MDM2: variants seen among roughly 807,000 people sequenced by gnomAD.
MDM2 encodes the protein E3 ubiquitin-protein ligase Mdm2.
MDM2 carries 11 observed loss-of-function variants against 64.3 expected under a neutral mutation model. That is an observed-to-expected ratio of 0.17 (90% CI 0.11 to 0.28). The LOEUF (loss-of-function observed/expected upper bound fraction) is 0.28. Ranked by LOEUF, MDM2 falls within the 10% of genes least tolerant of loss-of-function variation. The pLI is 1.00. For missense variants in MDM2, 388 were observed against 577.1 expected (o/e 0.67, Z 3.36); for synonymous variants, 194 against 192.9 (o/e 1.01, Z -0.05).
chr12:68,843,715 CTG>C lies in MDM2; in HGVS notation c.*3868_*3869del, dbSNP rs1034744929. On this transcript the variant is annotated 3_prime_UTR_variant, in exon 11 of 11. Coordinates refer to ENST00000258149, the MANE Select transcript of MDM2 (RefSeq NM_002392.6). The stretch of plus-strand genomic sequence containing the variant: ...GCTTCAAAACTCTCTCTCTCTCTCT[CTG>C]TCTGTCTCAATAAATGGCCAAAGGG... The C allele has an allele frequency of 2.1e-4, 45 of 215,652 alleles. No homozygotes were observed. Among genetic ancestry groups the C allele is most frequent in the Middle Eastern group, 2.8e-3 (2 of 706 alleles). The allele number at this position is 215,652 out of a possible 1,614,324, so 13.4% of individuals were successfully genotyped here.
intron 7 of MDM2, among the ~76,000 whole-genome samples, chr12:68,825,999 A>G (rs950325539): frequency 6.6e-5 from 10 of 152,238 alleles, no homozygotes; most frequent in African/African-American, 2.2e-4. Flanking sequence ...TATTTGAAAG[A>G]TAGTCACTTT....
chr12:68,823,361 G>T (rs1882030447), intron 5 of MDM2, among the ~76,000 whole-genome samples: 1 of 152,048 alleles, frequency 6.6e-6, no homozygotes, highest in African/African-American at 2.4e-5. Flanking sequence ...AAACCTATGT[G>T]CCTGAATAAC....
chr12:68,809,249 CTGT>C lies in MDM2; in HGVS notation c.57_59del (p.Val20del), dbSNP rs1367482093. 10 of 1,613,944 alleles carry C rather than the reference CTGT, an allele frequency of 6.2e-6. No individual in the cohort carries two copies. The highest frequency in any genetic ancestry group is 5.1e-6 in the Non-Finnish European group (6 of 1,180,022). On this transcript the variant is annotated inframe_deletion, in exon 2 of 11. Coordinates refer to ENST00000258149, the MANE Select transcript of MDM2 (RefSeq NM_002392.6). Reference sequence around the variant, plus strand: ...AACATGTCTGTACCTACTGATGGTGCTGTAACCACCTCACAGATTCCAGCTTCG... The same window carrying C: ...AACATGTCTGTACCTACTGATGGTGCAACCACCTCACAGATTCCAGCTTCG...
intron 10 of MDM2, 80 bp from the exon 11 acceptor site, chr12:68,839,194 C>A: frequency 7.6e-7 from 1 of 1,321,466 alleles, no homozygotes; most frequent in Non-Finnish European, 1.0e-6. Context: ...TTACCTTAGA[C>A]ATAGCAAAGT....
chr12:68,814,843 G>C (rs1290698977), intron 3 of MDM2, among the ~76,000 whole-genome samples: 1 of 152,176 alleles, frequency 6.6e-6, no homozygotes, highest in African/African-American at 2.4e-5. Flanking sequence ...CCTGTTCTCT[G>C]TCTCTCCCAC....
At chr12:68,811,745 G>A (rs1265818447) in intron 2 of MDM2, among the ~76,000 whole-genome samples, 1 of 151,740 alleles carries the variant, frequency 6.6e-6, no homozygotes, top group African/African-American at 2.4e-5. Flanking sequence ...GGGATTACAG[G>A]CACCCACCTC....
At chr12:68,838,845 G>T (rs945144735) in intron 10 of MDM2, among the ~76,000 whole-genome samples, 2 of 152,142 alleles carry the variant, frequency 1.3e-5, no homozygotes, top group Admixed American at 6.5e-5. Flanking sequence ...AATTTTTCAG[G>T]ATGGTAAGGG....
intron 2 of MDM2, among the ~76,000 whole-genome samples, chr12:68,812,157 A>G (rs1398025148): frequency 2.0e-5 from 3 of 152,104 alleles, no homozygotes; most frequent in Non-Finnish European, 2.9e-5. Context: ...GAGAGAGTCC[A>G]TTCTTTAGCC....
At chr12:68,824,845 A>G (rs1882169294) in intron 7 of MDM2, 194 bp downstream of exon 7, 1 of 552,914 alleles carries the variant, frequency 1.8e-6, no homozygotes, top group Non-Finnish European at 3.2e-6. Context: ...GGCTGACTAC[A>G]GCAGGCACAG....
In MDM2 at chr12:68,808,230, C is replaced by G; in HGVS notation, c.-248C>G. ...TTGGCTGCTTCTGGGGCCTGTGTGG[C>G]CCTGTGTGTCGGAAAGATGGAGCAA... On this transcript the variant is annotated 5_prime_UTR_variant, in exon 1 of 11. Coordinates refer to ENST00000258149, the MANE Select transcript of MDM2 (RefSeq NM_002392.6). The G allele has an allele frequency of 5.2e-6, 3 of 580,520 alleles. No homozygotes were observed. The highest frequency in any genetic ancestry group is 9.2e-6 in the Non-Finnish European group (3 of 327,394). 36.0% of individuals were successfully genotyped at this position (580,520 alleles called of 1,614,324 possible).
rs557046053 is a variant in MDM2 at position 68,809,558 on chromosome 12, G to T, written c.99+266G>T. ...TTGAAGTTACGTTTGTTACGTGACT[G>T]ATTTTTTTTTCCTTTTTGACCTCCC... On this transcript the variant is annotated intron_variant, in intron 2 of 10. Transcript: ENST00000258149. Among the ~76,000 whole-genome samples, 3 of 152,120 alleles carry T rather than the reference G, an allele frequency of 2.0e-5. No individual in the cohort carries two copies. The South Asian group carries it at 6.2e-4, about 31-fold the overall frequency.
rs1361311287 is a variant in MDM2, at chr12:68,809,278, G to C, written c.85G>C (p.Glu29Gln). The C allele has an allele frequency of 1.9e-6, 3 of 1,613,868 alleles. No homozygotes were observed. Among genetic ancestry groups the C allele is most frequent in the Non-Finnish European group, 2.5e-6 (3 of 1,179,962 alleles). Residue 29 changes from glutamate (E) to glutamine (Q), a missense_variant, in exon 2 of 11, where the codon GAA (glutamate) becomes CAA (glutamine). Transcript: ENST00000258149. Reference sequence around the variant, plus strand: ...AACCACCTCACAGATTCCAGCTTCGGAACAAGAGACCCTGGTTAGTATTTT... The same window carrying C: ...AACCACCTCACAGATTCCAGCTTCGCAACAAGAGACCCTGGTTAGTATTTT... ...AVTTSQIPASEQETLVRPKPL... is the reference protein window; with the variant it reads ...AVTTSQIPASQQETLVRPKPL...
At chr12:68,833,698 C>T (rs1883088677) in intron 8 of MDM2, among the ~76,000 whole-genome samples, 2 of 151,956 alleles carry the variant, frequency 1.3e-5, no homozygotes, top group Admixed American at 1.3e-4. Context: ...CTGTAGACAA[C>T]AAGTCAACAA....
chr12:68,831,532 G>C (rs960889719), intron 8 of MDM2, among the ~76,000 whole-genome samples: 1 of 152,166 alleles, frequency 6.6e-6, no homozygotes, highest in Non-Finnish European at 1.5e-5. Context: ...AGAGGACAAC[G>C]GTGGGAATCG....
rs1884090618 is a variant in MDM2 at position 68,844,479 on chromosome 12, G to A, written c.*4630G>A. ...AGCCTGGCCTAAGTGATCGTGAATG[G>A]TCTATAAGGGAGGTAGCTGGGACAG... On this transcript the variant is annotated 3_prime_UTR_variant, in exon 11 of 11. Coordinates refer to ENST00000258149, the MANE Select transcript of MDM2 (RefSeq NM_002392.6). 4.4e-6 allele frequency: 1 copy of A among 228,536 alleles called. No homozygotes were observed. The highest frequency in any genetic ancestry group is 6.2e-5 in the East Asian group (1 of 16,034). The allele number at this position is 228,536 out of a possible 1,614,324, so 14.2% of individuals were successfully genotyped here.
rs2136186003 is a variant in MDM2, at chr12:68,842,347, A to G, written c.*2498A>G. 6.0e-6 allele frequency: 3 copies of G among 495,996 alleles called. No individual in the cohort carries two copies. The highest frequency in any genetic ancestry group is 4.7e-5 in the East Asian group (1 of 21,316). The allele number at this position is 495,996 out of a possible 1,614,324, so 30.7% of individuals were successfully genotyped here. ...GAACGCAGCTGGAAGAAAAGATGAT[A>G]TAACAGTTAACAGGATGCAGACATG... On this transcript the variant is annotated 3_prime_UTR_variant, in exon 11 of 11. Transcript: ENST00000258149.
intron 1 of MDM2, 193 bp from the exon 2 acceptor site, chr12:68,809,015 G>A: frequency 1.4e-6 from 2 of 1,472,952 alleles, no homozygotes; most frequent in South Asian, 1.5e-5. Context: ...CATTTTCCCA[G>A]CTGTGTTCAG....
chr12:68,833,656 T>C (rs1188022573), intron 8 of MDM2, among the ~76,000 whole-genome samples: 2 of 151,986 alleles, frequency 1.3e-5, no homozygotes. Context: ...CTGTCACAGC[T>C]ACTCAGCCCC....
rs746641927 is a variant in MDM2, at chr12:68,842,654, CAT to C, written c.*2806_*2807del. ...CTATTTGGTTAATGGTACTAGACAA[CAT>C]GTAATTAATGACATTCAAAAATTTA... On this transcript the variant is annotated 3_prime_UTR_variant, in exon 11 of 11. Transcript: ENST00000258149. The C allele has an allele frequency of 1.9e-4, 41 of 217,504 alleles. No homozygotes were observed. The highest frequency in any genetic ancestry group is 3.0e-4 in the Non-Finnish European group (32 of 104,984). The allele number at this position is 217,504 out of a possible 1,614,324, so 13.5% of individuals were successfully genotyped here. A position where few individuals can be genotyped will look rare whatever the true frequency, so the allele number is the denominator to read the frequency against.
Sources: gnomAD v4.1 joint callset for allele counts (sites outside exome capture counted in the v4.1 genomes callset) on GRCh38, gnomAD v4.1.1 for gene constraint, MANE v1.5 for transcripts, NCBI Gene and HGNC (gene_info 2026-07-23, HGNC 2026-07-21) for gene names.